Variants in SLC30A9 observed in about 807,000 individuals in gnomAD.
SLC30A9 encodes the protein proton-coupled zinc antiporter SLC30A9, mitochondrial.
SLC30A9 carries 58 observed loss-of-function variants against 87.5 expected under a neutral mutation model. The observed-to-expected ratio is 0.66, with a 90% CI of 0.54 to 0.82. The LOEUF (loss-of-function observed/expected upper bound fraction) is 0.82. Among genes scored for constraint, SLC30A9 ranks in the 40% least tolerant of loss-of-function variants. The pLI is 0.00. For missense variants in SLC30A9, 557 were observed against 679.1 expected (o/e 0.82, Z 2.00); for synonymous variants, 234 against 233.0 (o/e 1.00, Z -0.04).
intron 3 of SLC30A9, among the ~76,000 whole-genome samples, chr4:42,019,701 TC>T (rs1715865668): frequency 6.6e-6 from 1 of 152,190 alleles, no homozygotes; most frequent in South Asian, 2.1e-4. Context: ...TATGTAGTAG[TC>T]TTTGATTACT....
chr4:41,998,623 C>T (rs886481300), intron 1 of SLC30A9, among the ~76,000 whole-genome samples: 7 of 152,088 alleles, frequency 4.6e-5, no homozygotes, highest in Non-Finnish European at 8.8e-5. Context: ...ACCGCCACGT[C>T]TGGCTGATTT....
chr4:42,067,157 T>C lies in SLC30A9; in HGVS notation c.1217T>C (p.Ile406Thr), dbSNP rs1264188967. Residue 406 changes from isoleucine (I) to threonine (T), a missense_variant, in exon 14 of 18, where the codon ATA (isoleucine) becomes ACA (threonine). Physicochemically the swap from Ile to Thr is moderately conservative, Grantham distance 89. This residue lies in a region of SLC30A9 where 467 missense variants were observed against 529.8 expected (regional missense o/e 0.88). Transcript: ENST00000264451. ...EDTAAVLGVI[I>T]AATCMGLTSI... is the part of the protein sequence containing the mutation. ...ACTGCTGCAGTCTTGGGAGTTATAA[T>C]AGCAGCCACTTGCATGGGCCTTACT... 6.2e-7 allele frequency: 1 copy of C among 1,610,948 alleles called. No individual in the cohort carries two copies. Among genetic ancestry groups the C allele is most frequent in the Non-Finnish European group, 8.5e-7 (1 of 1,177,332 alleles).
chr4:42,066,033 C>A (rs1200867450), intron 12 of SLC30A9, among the ~76,000 whole-genome samples: 1 of 152,124 alleles, frequency 6.6e-6, no homozygotes, highest in Non-Finnish European at 1.5e-5. Context: ...AAATACACAG[C>A]TATAGCAGTA....
chr4:41,998,504 C>T (rs1714828841), intron 1 of SLC30A9, among the ~76,000 whole-genome samples: 1 of 151,144 alleles, frequency 6.6e-6, no homozygotes, highest in South Asian at 2.1e-4. Context: ...TACACCGTCA[C>T]CCTGGCTGGA....
intron 2 of SLC30A9, among the ~76,000 whole-genome samples, chr4:42,005,779 A>T (rs1469525944): frequency 6.6e-6 from 1 of 152,248 alleles, no homozygotes; most frequent in East Asian, 1.9e-4. Context: ...GTACAATAAA[A>T]GGAAGCATTA....
intron 16 of SLC30A9, among the ~76,000 whole-genome samples, chr4:42,076,814 T>C (rs908176380): frequency 2.0e-5 from 3 of 151,928 alleles, no homozygotes; most frequent in Non-Finnish European, 4.4e-5. Context: ...ATACAAAAAT[T>C]AGCTGGGTGT....
intron 17 of SLC30A9, among the ~76,000 whole-genome samples, chr4:42,081,864 C>G (rs1718750244): frequency 1.3e-5 from 2 of 152,144 alleles, no homozygotes; most frequent in Admixed American, 6.6e-5. Context: ...GTAAGTCTTT[C>G]AAACCAGGAA....
intron 1 of SLC30A9, among the ~76,000 whole-genome samples, chr4:41,996,769 C>T (rs1182546491): frequency 6.6e-6 from 1 of 151,974 alleles, no homozygotes; most frequent in East Asian, 1.9e-4. Flanking sequence ...TGCGGTGGCT[C>T]ATGCCTGTAG....
intron 6 of SLC30A9, chr4:42,029,550 C>A: frequency 1.5e-6 from 1 of 687,538 alleles, no homozygotes; most frequent in South Asian, 1.6e-5. Flanking sequence ...TGGAAAAGTA[C>A]AAAGATTCAG....
chr4:42,069,516 G>C (rs1179220414), intron 14 of SLC30A9, among the ~76,000 whole-genome samples: 1 of 152,090 alleles, frequency 6.6e-6, no homozygotes, highest in Non-Finnish European at 1.5e-5. Context: ...TGTTTTACAA[G>C]CGGATCATTT....
At chr4:42,032,556 C>T (rs1295173797) in intron 6 of SLC30A9, among the ~76,000 whole-genome samples, 1 of 151,902 alleles carries the variant, frequency 6.6e-6, no homozygotes, top group Non-Finnish European at 1.5e-5. Context: ...AATTGTGAGA[C>T]AATTATGGTC....
intron 1 of SLC30A9, among the ~76,000 whole-genome samples, chr4:41,998,462 C>CTTTT (rs34295020): frequency 3.4e-5 from 5 of 144,934 alleles, no homozygotes; most frequent in Admixed American, 1.4e-4. Flanking sequence ...TTCAGTAATT[C>CTTTT]TTTTTTTTTG....
At chr4:42,041,024 G>T (rs1350652022) in intron 8 of SLC30A9, among the ~76,000 whole-genome samples, 1 of 152,126 alleles carries the variant, frequency 6.6e-6, no homozygotes, top group African/African-American at 2.4e-5. Context: ...AAGGCAAGGA[G>T]GAGCAAGTTA....
intron 9 of SLC30A9, among the ~76,000 whole-genome samples, chr4:42,049,962 A>G (rs200527033): frequency 2.6e-5 from 4 of 152,168 alleles, no homozygotes; most frequent in East Asian, 3.8e-4. Flanking sequence ...TTTTCTAAGA[A>G]TATAATAAAA....
At chr4:42,003,796 C>T (rs1357722075) in intron 2 of SLC30A9, among the ~76,000 whole-genome samples, 2 of 151,896 alleles carry the variant, frequency 1.3e-5, no homozygotes, top group Non-Finnish European at 2.9e-5. Context: ...CATCCTTTCT[C>T]CTCTATTCTC....
intron 7 of SLC30A9, among the ~76,000 whole-genome samples, chr4:42,037,239 C>CTTTTTT (rs536795831): frequency 2.9e-4 from 26 of 91,202 alleles, no homozygotes; most frequent in Admixed American, 4.9e-4. Flanking sequence ...TAAATGCCTT[C>CTTTTTT]TTTTTTTTTT....
chr4:42,080,565 A>G (rs1718712742), intron 17 of SLC30A9, among the ~76,000 whole-genome samples: 1 of 152,244 alleles, frequency 6.6e-6, no homozygotes, highest in African/African-American at 2.4e-5. Flanking sequence ...TTGAGGCTCC[A>G]TAGTTGACTG....
intron 14 of SLC30A9, among the ~76,000 whole-genome samples, chr4:42,069,794 C>T (rs1358898644): frequency 6.6e-6 from 1 of 152,130 alleles, no homozygotes; most frequent in Non-Finnish European, 1.5e-5. Flanking sequence ...CCCTGACAAC[C>T]TAAGGCAAAT....
intron 9 of SLC30A9, among the ~76,000 whole-genome samples, chr4:42,056,250 T>C (rs921606870): frequency 6.6e-6 from 1 of 152,116 alleles, no homozygotes; most frequent in African/African-American, 2.4e-5. Flanking sequence ...ATACACATAA[T>C]GTGAATAATG....
Sources: allele counts gnomAD v4.1 joint callset (sites outside exome capture counted in the v4.1 genomes callset), GRCh38; gene constraint gnomAD v4.1.1; regional missense constraint gnomAD v4.1.1; transcripts MANE v1.5; gene names NCBI Gene and HGNC (gene_info 2026-07-23, HGNC 2026-07-21).